Variants in C9orf85 observed in about 807,000 individuals in gnomAD.
The protein encoded by C9orf85 is uncharacterized protein C9orf85.
A neutral mutation model predicts 14.9 loss-of-function variants in C9orf85; 16 were observed. That is an observed-to-expected ratio of 1.08 (90% CI 0.73 to 1.63). The LOEUF is 1.63. C9orf85 is among the 40% of genes most tolerant of loss of function. The probability of loss-of-function intolerance (pLI) is 0.00; values close to 1 mark genes in which losing one functional copy is unlikely to be tolerated. For synonymous variants in C9orf85, 45 were observed against 56.8 expected (o/e 0.79, Z 0.93); for missense variants, 172 against 186.1 (o/e 0.92, Z 0.44).
chr9:71,912,624 G>C (rs1011496780), intron 1 of C9orf85, among the ~76,000 whole-genome samples: 1 of 152,046 alleles, frequency 6.6e-6, no homozygotes, highest in Admixed American at 6.6e-5. Context: ...GCGGGCGCTT[G>C]TAATCTCAGC....
At chr9:71,969,282 G>A (rs939316363) in intron 2 of C9orf85, among the ~76,000 whole-genome samples, 2 of 152,028 alleles carry the variant, frequency 1.3e-5, no homozygotes, top group African/African-American at 2.4e-5. Context: ...CCAAGTAGCT[G>A]GGATTACACC....
chr9:71,983,118 C>T (rs985456060), exon 4 of C9orf85: 2 of 152,138 alleles, frequency 1.3e-5, no homozygotes, highest in Non-Finnish European at 2.9e-5. Flanking sequence ...GCCTCAGCCT[C>T]CCGAGTAGCT....
At position 71,947,037 on chromosome 9, in the gene C9orf85, G is replaced by A. The variant is rs1822111258; in HGVS notation, c.134G>A (p.Cys45Tyr). Reference sequence around the variant, plus strand: ...AATGCAAAACTTCATGATGGAGTATGTCAGCGCTGTAAAGAAGTTCTTGAG... The same window carrying A: ...AATGCAAAACTTCATGATGGAGTATATCAGCGCTGTAAAGAAGTTCTTGAG... ...KINAKLHDGV[C>Y]QRCKEVLEWR... is the part of the protein sequence containing the mutation. Residue 45 changes from cysteine to tyrosine, a missense_variant, in exon 2 of 4, where the codon TGT (cysteine) becomes TAT (tyrosine). Cys to Tyr is a radical substitution (Grantham distance 194). Transcript: ENST00000334731. The A allele has an allele frequency of 6.2e-7, 1 of 1,613,314 alleles. No homozygotes were observed. Among genetic ancestry groups the A allele is most frequent in the Non-Finnish European group, 8.5e-7 (1 of 1,179,622 alleles).
chr9:71,938,853 G>T (rs940931835), intron 1 of C9orf85, among the ~76,000 whole-genome samples: 94 of 151,676 alleles, frequency 6.2e-4, no homozygotes, highest in African/African-American at 2.1e-3. Flanking sequence ...AACTGTCAAA[G>T]AGTAGATAAT....
intron 2 of C9orf85, among the ~76,000 whole-genome samples, chr9:71,966,115 A>G (rs897719046): frequency 6.6e-6 from 1 of 152,188 alleles, no homozygotes; most frequent in African/African-American, 2.4e-5. Context: ...AATAAGGCAA[A>G]TGCTAACCTG....
intron 1 of C9orf85, among the ~76,000 whole-genome samples, chr9:71,938,322 G>A (rs556419201): frequency 1.3e-5 from 2 of 152,148 alleles, no homozygotes; most frequent in East Asian, 3.9e-4. Flanking sequence ...ATAAAAAAGC[G>A]AAGCAAGTTT....
intron 2 of C9orf85, among the ~76,000 whole-genome samples, chr9:71,950,498 G>C (rs1047609913): frequency 3.9e-5 from 6 of 152,092 alleles, no homozygotes; most frequent in Non-Finnish European, 7.4e-5. Flanking sequence ...CTCTGGAGTA[G>C]CTGGGACTAC....
chr9:71,926,236 C>T (rs1827926699), intron 1 of C9orf85, among the ~76,000 whole-genome samples: 1 of 152,198 alleles, frequency 6.6e-6, no homozygotes, highest in Admixed American at 6.5e-5. Flanking sequence ...GTCCATTAGA[C>T]CTTTCTGTGA....
intron 1 of C9orf85, among the ~76,000 whole-genome samples, chr9:71,918,014 C>G (rs113524281): frequency 7.2e-5 from 11 of 152,128 alleles, no homozygotes; most frequent in African/African-American, 2.4e-4. Flanking sequence ...AAAACCTCGT[C>G]TCTACTAAAA....
intron 2 of C9orf85, among the ~76,000 whole-genome samples, chr9:71,954,489 G>A (rs1822333516): frequency 6.6e-6 from 1 of 152,158 alleles, no homozygotes; most frequent in Admixed American, 6.6e-5. Flanking sequence ...GAGCAGAGCC[G>A]AGGGCTGCTG....
intron 2 of C9orf85, among the ~76,000 whole-genome samples, chr9:71,958,233 A>T (rs1164275742): frequency 1.5e-5 from 2 of 137,622 alleles, no homozygotes; most frequent in Non-Finnish European, 3.1e-5. Flanking sequence ...TATATATATT[A>T]TATATATATT....
At chr9:71,936,497 G>A (rs1828195525) in intron 1 of C9orf85, among the ~76,000 whole-genome samples, 1 of 151,934 alleles carries the variant, frequency 6.6e-6, no homozygotes, top group South Asian at 2.1e-4. Context: ...TCTAGATAAA[G>A]TGATTGGCAT....
chr9:71,943,917 G>T (rs1822012464), intron 1 of C9orf85, among the ~76,000 whole-genome samples: 2 of 150,518 alleles, frequency 1.3e-5, no homozygotes. Flanking sequence ...GCTTAAAGCA[G>T]CAATAACAAC....
chr9:71,943,414 CTTCT>C (rs920637016), intron 1 of C9orf85, among the ~76,000 whole-genome samples: 10 of 152,194 alleles, frequency 6.6e-5, no homozygotes, highest in African/African-American at 2.2e-4. Flanking sequence ...TAGTATCTTC[CTTCT>C]GTTAAATGAT....
intron 1 of C9orf85, among the ~76,000 whole-genome samples, chr9:71,932,190 C>T (rs1564086448): frequency 1.3e-5 from 2 of 151,906 alleles, no homozygotes; most frequent in African/African-American, 4.8e-5. Flanking sequence ...CCAAGGAGCA[C>T]ACACACTCAG....
At chr9:71,956,302 G>A (rs913775183) in intron 2 of C9orf85, among the ~76,000 whole-genome samples, 2 of 137,088 alleles carry the variant, frequency 1.5e-5, no homozygotes, top group African/African-American at 5.4e-5. Flanking sequence ...CCAGGCTGGA[G>A]TGTAATGCGC....
At position 71,911,681 on chromosome 9, in the gene C9orf85, C is replaced by T. The variant is rs1466104540; in HGVS notation, c.-54C>T. 2.7e-6 allele frequency: 4 copies of T among 1,498,262 alleles called. No individual in the cohort carries two copies. In the South Asian group the frequency reaches 4.5e-5, roughly 17 times the overall value. The allele number at this position is 1,498,262 out of a possible 1,614,324, so 92.8% of individuals were successfully genotyped here. ...TTCCTGGGAGTAGTTCGTTGGTTTT[C>T]TTTCCCCTCATCCTTTTGCCTGCTC... On this transcript the variant is annotated 5_prime_UTR_variant, in exon 1 of 4. Transcript: ENST00000334731.
rs745449918 is a variant in C9orf85 at position 71,972,865 on chromosome 9, C to T, written c.*23C>T. ...TAATATCACTGTATTAAAAGTCTGC[C>T]GGGCACAGTGGCTCACGCCTGTAAT... On this transcript the variant is annotated 3_prime_UTR_variant, in exon 4 of 4. Coordinates refer to ENST00000334731, the MANE Select transcript of C9orf85 (RefSeq NM_182505.5). 23 of 1,580,610 alleles carry T rather than the reference C, an allele frequency of 1.5e-5. 1 individual carries two copies. In the East Asian group the frequency reaches 2.8e-4, roughly 19 times the overall value.
At chr9:71,985,580 A>G (rs1443189946), downstream of C9orf85, 1 of 152,258 alleles carries the variant, frequency 6.6e-6, no homozygotes, top group Non-Finnish European at 1.5e-5. Context: ...ACTGGTCTAG[A>G]TAAGTAGCTC....
Sources: gnomAD v4.1 joint callset for allele counts (sites outside exome capture counted in the v4.1 genomes callset) on GRCh38, gnomAD v4.1.1 for gene constraint, MANE v1.5 for transcripts, NCBI Gene and HGNC (gene_info 2026-07-23, HGNC 2026-07-21) for gene names.